ZFYVE9: variants seen among roughly 807,000 people sequenced by gnomAD.
ZFYVE9 encodes zinc finger FYVE-type containing 9, also known as zinc finger FYVE domain-containing protein 9.
Under a neutral mutation model 126.7 loss-of-function variants are expected in ZFYVE9, and 43 were observed. The observed-to-expected ratio is 0.34, with a 90% CI of 0.27 to 0.44. The LOEUF (loss-of-function observed/expected upper bound fraction) is 0.44. Ranked by LOEUF, ZFYVE9 falls within the 20% of genes least tolerant of loss-of-function variation. ZFYVE9 has a pLI of 1.00. For missense variants in ZFYVE9, 1,476 were observed against 1,697.0 expected (o/e 0.87, Z 2.29); for synonymous variants, 521 against 597.4 (o/e 0.87, Z 1.87).
At chr1:52,203,855 T>A (rs1209775321) in intron 1 of ZFYVE9, among the ~76,000 whole-genome samples, 12 of 152,250 alleles carry the variant, frequency 7.9e-5, no homozygotes, top group Admixed American at 1.3e-4. Flanking sequence ...AATAAGCCTA[T>A]CAAAGGCATT....
At chr1:52,272,515 A>G (rs1341316598) in intron 7 of ZFYVE9, among the ~76,000 whole-genome samples, 2 of 152,200 alleles carry the variant, frequency 1.3e-5, no homozygotes, top group Non-Finnish European at 2.9e-5. Context: ...ACTTAATATT[A>G]TGAGATTTAT....
intron 10 of ZFYVE9, among the ~76,000 whole-genome samples, chr1:52,284,587 T>C (rs1645839482): frequency 6.6e-6 from 1 of 151,946 alleles, no homozygotes; most frequent in Non-Finnish European, 1.5e-5. Flanking sequence ...GCCTGGCTAA[T>C]TTTTTGTATT....
At chr1:52,212,583 G>T (rs1373484292) in intron 1 of ZFYVE9, among the ~76,000 whole-genome samples, 1 of 152,234 alleles carries the variant, frequency 6.6e-6, no homozygotes. Context: ...AGCTAAGGCA[G>T]TTGTAGAAAT....
At chr1:52,218,390 G>A (rs1180772105) in intron 2 of ZFYVE9, among the ~76,000 whole-genome samples, 2 of 152,186 alleles carry the variant, frequency 1.3e-5, no homozygotes, top group East Asian at 3.8e-4. Flanking sequence ...CCCTTGTTGT[G>A]AAAGACACAA....
intron 2 of ZFYVE9, among the ~76,000 whole-genome samples, chr1:52,227,874 T>G (rs1246402637): frequency 6.6e-6 from 1 of 152,096 alleles, no homozygotes; most frequent in Admixed American, 6.6e-5. Context: ...GTGCATAAAT[T>G]TCTATGTTTG....
intron 13 of ZFYVE9, among the ~76,000 whole-genome samples, chr1:52,314,565 C>A (rs1346556044): frequency 2.0e-5 from 3 of 152,158 alleles, no homozygotes; most frequent in Non-Finnish European, 4.4e-5. Flanking sequence ...CGCCTGTAAT[C>A]CCAGTAGTTT....
intron 1 of ZFYVE9, among the ~76,000 whole-genome samples, chr1:52,169,157 T>G (rs1454446568): frequency 6.6e-6 from 1 of 152,100 alleles, no homozygotes; most frequent in Non-Finnish European, 1.5e-5. Flanking sequence ...TCCTAGCACT[T>G]TGGGAGGCAG....
At chr1:52,235,490 T>G (rs1184007381) in intron 3 of ZFYVE9, among the ~76,000 whole-genome samples, 1 of 152,184 alleles carries the variant, frequency 6.6e-6, no homozygotes, top group Non-Finnish European at 1.5e-5. Flanking sequence ...TTGCTTTTTT[T>G]TCTTTTAAGG....
chr1:52,183,275 G>A (rs1428562690), intron 1 of ZFYVE9, among the ~76,000 whole-genome samples: 2 of 143,716 alleles, frequency 1.4e-5, no homozygotes, highest in African/African-American at 3.0e-5. Flanking sequence ...ATTAATTAAC[G>A]TATATATTGG....
intron 10 of ZFYVE9, among the ~76,000 whole-genome samples, chr1:52,290,037 A>G (rs1362811601): frequency 6.6e-6 from 1 of 152,236 alleles, no homozygotes; most frequent in Non-Finnish European, 1.5e-5. Context: ...TCTTTGTGAA[A>G]TATAAACATT....
chr1:52,216,306 A>C (rs1475506179), intron 1 of ZFYVE9, 63 bp from the exon 2 acceptor site: 1 of 397,984 alleles, frequency 2.5e-6, no homozygotes. Context: ...TGGTAGATTT[A>C]TATGAAGAAA....
chr1:52,316,835 A>C (rs1215728791), intron 13 of ZFYVE9, among the ~76,000 whole-genome samples: 1 of 152,218 alleles, frequency 6.6e-6, no homozygotes, highest in Non-Finnish European at 1.5e-5. Context: ...GAACACAGCC[A>C]ATTTTACTTA....
chr1:52,333,900 G>C (rs1192379654), intron 14 of ZFYVE9, among the ~76,000 whole-genome samples: 2 of 152,016 alleles, frequency 1.3e-5, no homozygotes, highest in Non-Finnish European at 2.9e-5. Flanking sequence ...AGACCAGCCT[G>C]ACCAACGTGG....
At chr1:52,304,065 T>C (rs983843832) in intron 13 of ZFYVE9, 140 bp downstream of exon 13, 3 of 486,002 alleles carry the variant, frequency 6.2e-6, no homozygotes, top group African/African-American at 2.0e-5. Flanking sequence ...AGTTCAATTA[T>C]GGGGAATTTC....
At chr1:52,288,612 A>G (rs1645886371) in intron 10 of ZFYVE9, among the ~76,000 whole-genome samples, 2 of 152,176 alleles carry the variant, frequency 1.3e-5, no homozygotes, top group African/African-American at 4.8e-5. Flanking sequence ...AGTTTTAGTC[A>G]TATTACCACT....
intron 3 of ZFYVE9, among the ~76,000 whole-genome samples, chr1:52,236,622 CAG>C (rs1572123298): frequency 6.6e-6 from 1 of 152,192 alleles, no homozygotes. Context: ...AAAAAGTAAA[CAG>C]AAACATTATA....
intron 1 of ZFYVE9, among the ~76,000 whole-genome samples, chr1:52,178,625 G>C (rs552482167): frequency 4.6e-5 from 7 of 152,102 alleles, no homozygotes; most frequent in Non-Finnish European, 7.4e-5. Flanking sequence ...CACCTCGCCC[G>C]GCTTATTTGG....
At position 52,292,367 on chromosome 1, in the gene ZFYVE9, A is replaced by G. The variant is rs562464693; in HGVS notation, c.3026-1086A>G. On this transcript the variant is annotated intron_variant, in intron 10 of 18. Coordinates refer to ENST00000287727, the MANE Select transcript of ZFYVE9 (RefSeq NM_004799.4). Reference sequence around the variant, plus strand: ...AATCCTCATCTTCCCTTAATGTCTTATAACTGTACTTATTACCATAATTCA... The same window carrying G: ...AATCCTCATCTTCCCTTAATGTCTTGTAACTGTACTTATTACCATAATTCA... 1.3e-4 allele frequency among the ~76,000 whole-genome samples: 20 copies of G among 151,116 alleles called. No individual in the cohort carries two copies. The South Asian group carries it at 4.0e-3, about 30-fold the overall frequency.
intron 1 of ZFYVE9, chr1:52,180,566 C>T: frequency 1.6e-6 from 1 of 635,980 alleles, no homozygotes; most frequent in Non-Finnish European, 2.8e-6. Context: ...GCTGCAGCTG[C>T]TATCACTTTC....
Sources: allele counts gnomAD v4.1 joint callset (sites outside exome capture counted in the v4.1 genomes callset), GRCh38; gene constraint gnomAD v4.1.1; transcripts MANE v1.5; gene names NCBI Gene and HGNC (gene_info 2026-07-23, HGNC 2026-07-21).